Variants in CERT1 observed in about 807,000 individuals in gnomAD.
The protein encoded by CERT1 is ceramide transfer protein.
CERT1 carries 31 observed loss-of-function variants against 87.9 expected under a neutral mutation model. The observed-to-expected ratio is 0.35, with a 90% CI of 0.27 to 0.48. CERT1 has a LOEUF of 0.48. Among genes scored for constraint, CERT1 ranks in the 20% least tolerant of loss-of-function variants. CERT1 has a pLI of 0.99. For synonymous variants in CERT1, 289 were observed against 250.9 expected (o/e 1.15, Z -1.44); for missense variants, 487 against 758.0 (o/e 0.64, Z 4.20).
In CERT1 at chr5:75,510,971, A is replaced by C; in HGVS notation, c.96+141T>G. ...GACAGTGCCCCTATATCCCCGCCTC[A>C]TCCCTAGTCGCTGCAGCAACACTCA... On this transcript the variant is annotated intron_variant, in intron 1 of 16. Coordinates refer to ENST00000643780, the MANE Select transcript of CERT1 (RefSeq NM_001379029.1). 13 of 1,183,174 alleles carry C rather than the reference A, an allele frequency of 1.1e-5. 1 individual carries two copies. The South Asian group carries it at 2.3e-4, about 21-fold the overall frequency. The allele number at this position is 1,183,174 out of a possible 1,614,324, so 73.3% of individuals were successfully genotyped here. A position where few individuals can be genotyped will look rare whatever the true frequency, so the allele number is the denominator to read the frequency against.
chr5:75,458,007 G>C (rs1460413056), intron 3 of CERT1, among the ~76,000 whole-genome samples: 2 of 151,090 alleles, frequency 1.3e-5, no homozygotes, highest in African/African-American at 4.9e-5. Flanking sequence ...TTTTGTGCCT[G>C]TTAGAAATAA....
rs1487788202 is a variant in CERT1 at position 75,389,628 on chromosome 5, G to A, written c.1248C>T (p.Ala416=). The A allele has an allele frequency of 1.2e-5, 20 of 1,613,816 alleles. No individual in the cohort carries two copies. Among genetic ancestry groups the A allele is most frequent in the Non-Finnish European group, 1.7e-5 (20 of 1,179,932 alleles). ...CTTCTTCTACAACCAACTGCCAATT[G>A]GCATCTCCGCCTACATCCTGTAATG... ...TYSLQDVGGD[A]NWQLVVEEGE... The change falls in exon 12 of 17, where the codon GCC becomes GCT. Residue 416 remains alanine, a synonymous_variant. Transcript: ENST00000643780.
At chr5:75,493,173 C>CA (rs1200124387) in intron 2 of CERT1, among the ~76,000 whole-genome samples, 4 of 152,026 alleles carry the variant, frequency 2.6e-5, no homozygotes, top group Non-Finnish European at 4.4e-5. Flanking sequence ...CACATATATG[C>CA]AAAAAAACAG....
chr5:75,495,509 G>A (rs1003990130), intron 2 of CERT1, among the ~76,000 whole-genome samples: 1 of 151,762 alleles, frequency 6.6e-6, no homozygotes. Flanking sequence ...AGTGTGCCGA[G>A]ATCACGCCAC....
chr5:75,398,275 T>C (rs1762336076), intron 11 of CERT1, among the ~76,000 whole-genome samples: 1 of 152,202 alleles, frequency 6.6e-6, no homozygotes, highest in African/African-American at 2.4e-5. Context: ...ACTATGACTT[T>C]TAAAAACTTT....
intron 5 of CERT1, among the ~76,000 whole-genome samples, chr5:75,419,749 C>G (rs1434827872): frequency 6.6e-6 from 1 of 152,016 alleles, no homozygotes; most frequent in Non-Finnish European, 1.5e-5. Context: ...TTTATTTTTG[C>G]CACCCAAATA....
At chr5:75,476,916 A>G (rs1765980674) in intron 2 of CERT1, among the ~76,000 whole-genome samples, 2 of 152,128 alleles carry the variant, frequency 1.3e-5, no homozygotes, top group South Asian at 2.1e-4. Context: ...AGATGGGGGA[A>G]AAAAAAATCC....
At chr5:75,470,698 A>AC (rs1765669950) in intron 2 of CERT1, among the ~76,000 whole-genome samples, 1 of 152,222 alleles carries the variant, frequency 6.6e-6, no homozygotes, top group Non-Finnish European at 1.5e-5. Flanking sequence ...AAGATCCTGA[A>AC]CAAGACAAGA....
Position 75,389,720 on chromosome 5 carries a change from A to G in CERT1, c.1189-33T>C, listed in dbSNP as rs545013327. 10 of 1,493,098 alleles carry G rather than the reference A, an allele frequency of 6.7e-6. 1 individual carries two copies. The South Asian group carries it at 1.1e-4, about 17-fold the overall frequency. The allele number at this position is 1,493,098 out of a possible 1,614,324, so 92.5% of individuals were successfully genotyped here. On this transcript the variant is annotated intron_variant, in intron 11 of 16. Transcript: ENST00000643780. ...AGGGAGGAAAAAGGCATGAGAATCC[A>G]AAAGGTATGTCATAATCTCTAAAAC...
intron 2 of CERT1, among the ~76,000 whole-genome samples, chr5:75,485,312 C>CAAAAAAAAAAACAAAAAAAAAA (rs1766462007): frequency 2.2e-5 from 1 of 46,438 alleles, no homozygotes; most frequent in Non-Finnish European, 3.7e-5. Context: ...CACAAAAATA[C>CAAAAAAAAAAACAAAAAAAAAA]AAAAAAAAAA....
intron 3 of CERT1, among the ~76,000 whole-genome samples, chr5:75,428,185 A>G (rs1763703304): frequency 6.6e-6 from 1 of 152,152 alleles, no homozygotes. Context: ...TAAAAGTTTT[A>G]TGTTTATTTT....
At chr5:75,431,036 C>T (rs1763841941) in intron 3 of CERT1, among the ~76,000 whole-genome samples, 1 of 152,188 alleles carries the variant, frequency 6.6e-6, no homozygotes, top group African/African-American at 2.4e-5. Context: ...GACAGACTAT[C>T]TCAAACAAAC....
intron 9 of CERT1, chr5:75,402,628 C>A (rs1171414281): frequency 2.9e-5 from 5 of 170,974 alleles, no homozygotes; most frequent in Non-Finnish European, 6.3e-5. Flanking sequence ...AAAACCCCGT[C>A]TCTACTAAAA....
chr5:75,403,020 A>G lies in CERT1; in HGVS notation c.969T>C (p.Phe323=). ...TGTCAAGAGCAGCTTCAACAGCATCAAAGAACTCTTCTTCATTAATCAGAC... is the reference window on the plus strand; with the variant it reads ...TGTCAAGAGCAGCTTCAACAGCATCGAAGAACTCTTCTTCATTAATCAGAC... ...PNSLINEEEF[F]DAVEAALDRQ... Residue 323 remains phenylalanine (F), a synonymous_variant, in exon 9 of 17, where the codon TTT becomes TTC. Transcript: ENST00000643780. The G allele has an allele frequency of 6.2e-7, 1 of 1,613,444 alleles. No homozygotes were observed. Among genetic ancestry groups the G allele is most frequent in the Non-Finnish European group, 8.5e-7 (1 of 1,179,448 alleles).
chr5:75,476,911 G>C (rs1022890258), intron 2 of CERT1, among the ~76,000 whole-genome samples: 1 of 151,884 alleles, frequency 6.6e-6, no homozygotes, highest in South Asian at 2.1e-4. Flanking sequence ...CTCCGAGATG[G>C]GGGAAAAAAA....
chr5:75,388,381 GT>G (rs1286573717), intron 12 of CERT1, among the ~76,000 whole-genome samples: 2 of 151,814 alleles, frequency 1.3e-5, no homozygotes, highest in Non-Finnish European at 2.9e-5. Context: ...TTGCTTTCAA[GT>G]TTTTGCTCAC....
intron 2 of CERT1, among the ~76,000 whole-genome samples, chr5:75,469,408 A>G (rs1561285288): frequency 6.6e-6 from 1 of 152,196 alleles, no homozygotes; most frequent in Non-Finnish European, 1.5e-5. Context: ...AAGAATAAGA[A>G]CAGAAAACTT....
intron 8 of CERT1, among the ~76,000 whole-genome samples, chr5:75,409,774 G>A (rs1260328928): frequency 6.6e-6 from 1 of 150,652 alleles, no homozygotes; most frequent in Non-Finnish European, 1.5e-5. Flanking sequence ...TGATCCCCCC[G>A]CCTCAGCCTC....
intron 5 of CERT1, among the ~76,000 whole-genome samples, chr5:75,421,345 T>G (rs1261080742): frequency 6.6e-6 from 1 of 152,250 alleles, no homozygotes; most frequent in East Asian, 1.9e-4. Context: ...TACTGCCATT[T>G]TCTAATTACT....
Sources: gnomAD v4.1 joint callset for allele counts (sites outside exome capture counted in the v4.1 genomes callset) on GRCh38, gnomAD v4.1.1 for gene constraint, MANE v1.5 for transcripts, NCBI Gene and HGNC (gene_info 2026-07-23, HGNC 2026-07-21) for gene names.